Variants in TRIM16 observed in about 807,000 individuals in gnomAD.
TRIM16 encodes the protein tripartite motif containing 16.
In TRIM16, 33 loss-of-function variants were observed where a neutral mutation model predicts 50.4. That is an observed-to-expected ratio of 0.65 (90% CI 0.50 to 0.88). The LOEUF (loss-of-function observed/expected upper bound fraction) is 0.88. Among genes scored for constraint, TRIM16 ranks in the 40% least tolerant of loss-of-function variants. TRIM16 has a pLI of 0.00. For synonymous variants in TRIM16, 229 were observed against 270.7 expected, an observed-to-expected ratio of 0.85 and a Z score of 1.51; for missense variants, 581 against 686.8, an observed-to-expected ratio of 0.85 and a Z score of 1.72.
rs368921295 is a variant in TRIM16, at chr17:15,665,234, C to T, written c.-338+11942G>A. 1.0e-3 allele frequency among the ~76,000 whole-genome samples: 159 copies of T among 152,192 alleles called. 1 individual carries two copies. Among genetic ancestry groups the T allele is most frequent in the South Asian group, 3.7e-3 (18 of 4,816 alleles). On this transcript the variant is annotated intron_variant, in intron 6 of 11. Coordinates refer to ENST00000649191, the MANE Select transcript of TRIM16 (RefSeq NM_001348119.1). ...GTAGTTTTAAAGAGGCTGTAGAGGC[C>T]GGGCGCAGTGGCTCATGCCTGTAAT...
chr17:15,646,776 G>T (rs1258109972), intron 7 of TRIM16, among the ~76,000 whole-genome samples: 1 of 151,950 alleles, frequency 6.6e-6, no homozygotes, highest in African/African-American at 2.4e-5. Flanking sequence ...AGAGAAGGAA[G>T]AACTAGAGTC....
chr17:15,637,058 C>T (rs1397460096), intron 8 of TRIM16, among the ~76,000 whole-genome samples: 1 of 148,696 alleles, frequency 6.7e-6, no homozygotes, highest in Non-Finnish European at 1.5e-5. Flanking sequence ...CGGTAGCCAC[C>T]CCATCTGGGA....
rs375711212 is a variant in TRIM16, at chr17:15,629,132, C to A, written c.1178G>T (p.Arg393Leu). Reference sequence around the variant, plus strand: ...CCAGGGCGTGGTGTTGGTGACCTTGCGGTTCTCCTCCTGCAGCCGGAGATA... The same window carrying A: ...CCAGGGCGTGGTGTTGGTGACCTTGAGGTTCTCCTCCTGCAGCCGGAGATA... Reference protein sequence around the residue: ...HKYLRLQEENRKVTNTTPWEH... With the variant: ...HKYLRLQEENLKVTNTTPWEH... The change falls in exon 12 of 12, where the codon CGC becomes CTC. Residue 393 changes from arginine (R) to leucine (L), a missense_variant. Transcript: ENST00000649191. 4.3e-6 allele frequency: 7 copies of A among 1,613,036 alleles called. No homozygotes were observed. Among genetic ancestry groups the A allele is most frequent in the Non-Finnish European group, 5.9e-6 (7 of 1,179,360 alleles).
At chr17:15,667,927 C>T (rs370631794) in intron 6 of TRIM16, among the ~76,000 whole-genome samples, 1 of 152,018 alleles carries the variant, frequency 6.6e-6, no homozygotes. Flanking sequence ...CCCAGGATCC[C>T]GCCGGGACAC....
At chr17:15,631,878 T>C (rs1986443055) in intron 10 of TRIM16, 164 bp from the exon 11 acceptor site, 9 of 660,832 alleles carry the variant, frequency 1.4e-5, no homozygotes, top group Non-Finnish European at 2.1e-5. Flanking sequence ...ATTTCTTTCA[T>C]AGGTAAGGCA....
chr17:15,675,584 G>A (rs1255949852), intron 6 of TRIM16: 1 of 173,296 alleles, frequency 5.8e-6, no homozygotes, highest in African/African-American at 2.4e-5. Flanking sequence ...CTGTAGGAAA[G>A]CCTTCAGCCA....
At chr17:15,665,489 A>G (rs1309919706) in intron 6 of TRIM16, among the ~76,000 whole-genome samples, 8 of 152,266 alleles carry the variant, frequency 5.3e-5, no homozygotes, top group Non-Finnish European at 1.2e-4. Flanking sequence ...AGCCTAGGCG[A>G]GAGTGCAAGA....
chr17:15,651,546 G>A lies in TRIM16; in HGVS notation c.64C>T (p.Pro22Ser). 6.2e-7 allele frequency: 1 copy of A among 1,614,050 alleles called. No homozygotes were observed. Among genetic ancestry groups the A allele is most frequent in the African/African-American group, 1.3e-5 (1 of 75,056 alleles). The change falls in exon 7 of 12, where the codon CCT becomes TCT. Residue 22 changes from proline (P) to serine (S), a missense_variant. Transcript: ENST00000649191. ...LPRATAQPPA[P>S]LSPDSGSPSP... ...GGTGACCCAGAGTCTGGGCTGAGAG[G>A]GGCTGGGGGCTGAGCAGTGGCCCTG...
At chr17:15,662,051 C>T (rs1988262648) in intron 6 of TRIM16, among the ~76,000 whole-genome samples, 1 of 152,224 alleles carries the variant, frequency 6.6e-6, no homozygotes, top group African/African-American at 2.4e-5. Flanking sequence ...CATCCATGCA[C>T]TCCAGCTCCC....
chr17:15,628,260 T>C lies in TRIM16; in HGVS notation c.*355A>G, dbSNP rs555881914. The C allele has an allele frequency of 9.0e-5, 17 of 188,878 alleles. No individual in the cohort carries two copies. In the South Asian group the frequency reaches 1.3e-3, roughly 15 times the overall value. 11.7% of individuals were successfully genotyped at this position (188,878 alleles called of 1,614,324 possible). On this transcript the variant is annotated 3_prime_UTR_variant, in exon 12 of 12. Transcript: ENST00000649191. ...CCATCTCTACTAAAAATACAAAACA[T>C]TAGCTGGGTGTGGTGGCAGGCACCT...
intron 8 of TRIM16, among the ~76,000 whole-genome samples, 160 bp downstream of exon 8, chr17:15,642,561 C>T (rs1358911620): frequency 6.7e-6 from 1 of 149,630 alleles, no homozygotes; most frequent in Non-Finnish European, 1.5e-5. Context: ...AATTTCATAA[C>T]AAATCCTGAC....
chr17:15,652,109 C>T, intron 6 of TRIM16, 163 bp from the exon 7 acceptor site: 1 of 278,912 alleles, frequency 3.6e-6, no homozygotes, highest in Non-Finnish European at 5.5e-6. Flanking sequence ...TAGAACTGGA[C>T]ATGAGGCAGC....
chr17:15,670,790 C>A (rs545396432), intron 6 of TRIM16, among the ~76,000 whole-genome samples: 1 of 152,214 alleles, frequency 6.6e-6, no homozygotes, highest in Non-Finnish European at 1.5e-5. Flanking sequence ...CTATAAAAAC[C>A]GTGATACTGA....
chr17:15,642,472 G>A (rs1987160603), intron 8 of TRIM16, among the ~76,000 whole-genome samples: 1 of 148,472 alleles, frequency 6.7e-6, no homozygotes. Context: ...AAATAAGAAT[G>A]TTGTTATTAC....
chr17:15,649,090 C>T (rs916770282), intron 7 of TRIM16, among the ~76,000 whole-genome samples: 1 of 152,158 alleles, frequency 6.6e-6, no homozygotes. Context: ...TGCAATTACC[C>T]CACATCTCTC....
At chr17:15,664,662 G>A (rs139809709) in intron 6 of TRIM16, among the ~76,000 whole-genome samples, 15 of 152,248 alleles carry the variant, frequency 9.9e-5, no homozygotes, top group East Asian at 3.9e-4. Flanking sequence ...AATGCGCCTC[G>A]GGGAGGCTTC....
chr17:15,646,969 C>T (rs1597624620), intron 7 of TRIM16, among the ~76,000 whole-genome samples: 3 of 140,586 alleles, frequency 2.1e-5, no homozygotes, highest in Admixed American at 7.1e-5. Flanking sequence ...GAAATAAATT[C>T]TTTTTTTTTT....
At chr17:15,664,641 C>T (rs776227901) in intron 6 of TRIM16, among the ~76,000 whole-genome samples, 55 of 152,324 alleles carry the variant, frequency 3.6e-4, no homozygotes, top group African/African-American at 1.3e-3. Context: ...AGACAGACTA[C>T]GTCCTAGGAA....
At chr17:15,645,827 A>T (rs1050511096) in intron 7 of TRIM16, among the ~76,000 whole-genome samples, 3 of 151,954 alleles carry the variant, frequency 2.0e-5, no homozygotes, top group African/African-American at 7.3e-5. Context: ...GGCCCCAGTG[A>T]CCTCTCACCC....
Sources: allele counts gnomAD v4.1 joint callset (sites outside exome capture counted in the v4.1 genomes callset), GRCh38; gene constraint gnomAD v4.1.1; transcripts MANE v1.5; gene names NCBI Gene and HGNC (gene_info 2026-07-23, HGNC 2026-07-21).